SCN8A: variants seen among roughly 807,000 people sequenced by gnomAD.
SCN8A encodes sodium channel protein type 8 subunit alpha.
In SCN8A, 30 loss-of-function variants were observed where a neutral mutation model predicts 184.1. That is an observed-to-expected ratio of 0.16 (90% CI 0.12 to 0.22). The LOEUF is 0.22. Among genes scored for constraint, SCN8A ranks in the 10% least tolerant of loss-of-function variants. The pLI, the probability that SCN8A is intolerant of heterozygous loss-of-function variation, is 1.00. For missense variants in SCN8A, 1,057 were observed against 2,498.9 expected, an observed-to-expected ratio of 0.42 and a Z score of 12.30; for synonymous variants, 852 against 907.0, an observed-to-expected ratio of 0.94 and a Z score of 1.09.
At chr12:51,639,493 TA>T (rs1476947118) in intron 1 of SCN8A, among the ~76,000 whole-genome samples, 1 of 151,990 alleles carries the variant, frequency 6.6e-6, no homozygotes, top group Non-Finnish European at 1.5e-5. Flanking sequence ...TAGCTCACTG[TA>T]GCCTCGAACT....
At chr12:51,750,388 A>G (rs1055522772) in intron 13 of SCN8A, among the ~76,000 whole-genome samples, 2 of 152,192 alleles carry the variant, frequency 1.3e-5, no homozygotes, top group African/African-American at 2.4e-5. Flanking sequence ...GGAAGGAGGA[A>G]GAAGCTGTAG....
intron 1 of SCN8A, among the ~76,000 whole-genome samples, chr12:51,629,139 A>G (rs372278469): frequency 7.2e-5 from 11 of 152,334 alleles, no homozygotes; most frequent in African/African-American, 2.6e-4. Flanking sequence ...TACTTGAGAA[A>G]TAGATTTCTT....
chr12:51,606,624 A>T lies in SCN8A; in HGVS notation c.-55+15265A>T, dbSNP rs571644513. On this transcript the variant is annotated intron_variant, in intron 1 of 26. Transcript: ENST00000627620. ...GAATTGTTTTTCTAATTCCGAGAAGAGTGATGGTGGCATTTTTGTGGGGAT... is the reference window on the plus strand; with the variant it reads ...GAATTGTTTTTCTAATTCCGAGAAGTGTGATGGTGGCATTTTTGTGGGGAT... Among the ~76,000 whole-genome samples the T allele has an allele frequency of 2.6e-5, 4 of 152,072 alleles. No individual in the cohort carries two copies. In the South Asian group the frequency reaches 8.3e-4, roughly 32 times the overall value.
In SCN8A at chr12:51,724,403, C is replaced by A. The variant is rs977449176; in HGVS notation, c.1998+2495C>A. 2.0e-5 allele frequency among the ~76,000 whole-genome samples: 3 copies of A among 152,214 alleles called. No homozygotes were observed. The East Asian group carries it at 5.8e-4, about 29-fold the overall frequency. Reference sequence around the variant, plus strand: ...CGGAGGCTGTAATGAGCCAAGATTGCGCCATTGCACTCCAGCCTAGGCAAG... The same window carrying A: ...CGGAGGCTGTAATGAGCCAAGATTGAGCCATTGCACTCCAGCCTAGGCAAG... On this transcript the variant is annotated intron_variant, in intron 12 of 26. Transcript: ENST00000627620.
intron 12 of SCN8A, among the ~76,000 whole-genome samples, chr12:51,723,987 A>C (rs1375364143): frequency 6.6e-6 from 1 of 152,184 alleles, no homozygotes; most frequent in East Asian, 1.9e-4. Flanking sequence ...GACCCCTCAG[A>C]GACCCTAATC....
chr12:51,677,669 CA>C (rs1941247046), intron 2 of SCN8A, among the ~76,000 whole-genome samples: 1 of 152,158 alleles, frequency 6.6e-6, no homozygotes, highest in African/African-American at 2.4e-5. Flanking sequence ...CTCCAAGCCC[CA>C]CATTGCTAAT....
At chr12:51,629,582 C>CAAAAAAAAAAAAAAAAA (rs71092711) in intron 1 of SCN8A, among the ~76,000 whole-genome samples, 1 of 129,558 alleles carries the variant, frequency 7.7e-6, no homozygotes, top group African/African-American at 3.2e-5. Flanking sequence ...ATCAGTTTTG[C>CAAAAAAAAAAAAAAAAA]AAAAAAAAAA....
intron 12 of SCN8A, among the ~76,000 whole-genome samples, chr12:51,725,819 T>A (rs1250884298): frequency 1.3e-5 from 2 of 152,204 alleles, no homozygotes; most frequent in African/African-American, 4.8e-5. Context: ...CCAAGACAGA[T>A]GAAAATTAAT....
chr12:51,645,094 G>A (rs1182976342), intron 1 of SCN8A, among the ~76,000 whole-genome samples: 5 of 144,276 alleles, frequency 3.5e-5, no homozygotes, highest in Admixed American at 2.0e-4. Flanking sequence ...TCAGCCCCCC[G>A]CCCGGCCAGC....
At chr12:51,624,366 T>C (rs1369224584) in intron 1 of SCN8A, among the ~76,000 whole-genome samples, 2 of 152,248 alleles carry the variant, frequency 1.3e-5, no homozygotes, top group Non-Finnish European at 2.9e-5. Flanking sequence ...TGGCCAGTGA[T>C]GATGAGCATT....
intron 26 of SCN8A, among the ~76,000 whole-genome samples, chr12:51,803,074 G>GTGAAGTC (rs1938599898): frequency 6.6e-6 from 1 of 152,178 alleles, no homozygotes; most frequent in African/African-American, 2.4e-5. Context: ...CCCACAGCAG[G>GTGAAGTC]CCATCTGCAA....
At chr12:51,630,328 C>A (rs549568719) in intron 1 of SCN8A, among the ~76,000 whole-genome samples, 1 of 151,974 alleles carries the variant, frequency 6.6e-6, no homozygotes, top group Non-Finnish European at 1.5e-5. Flanking sequence ...ATGGATCGAC[C>A]ACTCTAGGGA....
intron 12 of SCN8A, among the ~76,000 whole-genome samples, chr12:51,739,508 C>G (rs1942383558): frequency 6.6e-6 from 1 of 152,184 alleles, no homozygotes; most frequent in African/African-American, 2.4e-5. Flanking sequence ...TAAACCTGCT[C>G]TGTAACCTCT....
chr12:51,772,022 TTTTA>T (rs1226212019), intron 19 of SCN8A, among the ~76,000 whole-genome samples: 1 of 152,204 alleles, frequency 6.6e-6, no homozygotes, highest in African/African-American at 2.4e-5. Context: ...CTTTGACAGT[TTTTA>T]TTTGTCTTAA....
intron 25 of SCN8A, among the ~76,000 whole-genome samples, chr12:51,792,484 A>G (rs568406721): frequency 2.3e-4 from 16 of 69,920 alleles, no homozygotes; most frequent in African/African-American, 7.6e-4. Context: ...GCGAGACCCT[A>G]TCTCAAAAAA....
At chr12:51,720,763 C>T (rs1942039962) in intron 11 of SCN8A, among the ~76,000 whole-genome samples, 1 of 152,046 alleles carries the variant, frequency 6.6e-6, no homozygotes, top group Non-Finnish European at 1.5e-5. Context: ...GATACAGGCA[C>T]GTTTTAAATT....
chr12:51,655,529 G>C (rs1275179055), intron 1 of SCN8A, among the ~76,000 whole-genome samples: 1 of 151,868 alleles, frequency 6.6e-6, no homozygotes, highest in Non-Finnish European at 1.5e-5. Flanking sequence ...CCACCAGGGG[G>C]ACCCAGATAA....
At chr12:51,606,896 A>AT (rs1439002463) in intron 1 of SCN8A, among the ~76,000 whole-genome samples, 2 of 149,164 alleles carry the variant, frequency 1.3e-5, no homozygotes, top group African/African-American at 4.9e-5. Flanking sequence ...ATATATATTT[A>AT]TTTATTTATT....
Position 51,808,510 on chromosome 12 carries a change from G to A in SCN8A, c.*1081G>A, listed in dbSNP as rs1311957465. 2 of 152,154 alleles carry A rather than the reference G, an allele frequency of 1.3e-5. No individual in the cohort carries two copies. Among genetic ancestry groups the A allele is most frequent in the Non-Finnish European group, 1.5e-5 (1 of 67,956 alleles). The allele number at this position is 152,154 out of a possible 1,614,324, so 9.4% of individuals were successfully genotyped here. On this transcript the variant is annotated 3_prime_UTR_variant, in exon 27 of 27. Transcript: ENST00000627620. The stretch of plus-strand genomic sequence containing the variant: ...ATGTCACTGTAAAACCAAATCCTAG[G>A]GCTAAAAAAAAAATTCATTTGTATC...
Sources: gnomAD v4.1 joint callset for allele counts (sites outside exome capture counted in the v4.1 genomes callset) on GRCh38, gnomAD v4.1.1 for gene constraint, MANE v1.5 for transcripts, NCBI Gene and HGNC (gene_info 2026-07-23, HGNC 2026-07-21) for gene names.